PIK3R3: variants seen among roughly 807,000 people sequenced by gnomAD.
PIK3R3 encodes the protein phosphatidylinositol 3-kinase regulatory subunit gamma.
PIK3R3 carries 64 observed loss-of-function variants against 62.9 expected under a neutral mutation model. The ratio of observed to expected loss-of-function variants is 1.02; its 90% CI spans 0.83 to 1.25. The LOEUF (loss-of-function observed/expected upper bound fraction) is 1.25, where lower values mean the gene tolerates loss of function less well. Ranked by LOEUF, PIK3R3 falls within the 50% of genes most tolerant of loss-of-function variation. The probability of loss-of-function intolerance (pLI) is 0.00; values close to 1 mark genes in which losing one functional copy is unlikely to be tolerated. For missense variants in PIK3R3, 614 were observed against 561.6 expected (o/e 1.09, Z -0.94); for synonymous variants, 165 against 189.0 (o/e 0.87, Z 1.04).
chr1:46,040,148 T>C lies in PIK3R3; in HGVS notation c.*3525A>G. On this transcript the variant is annotated 3_prime_UTR_variant, in exon 10 of 10. Coordinates refer to ENST00000262741, the MANE Select transcript of PIK3R3 (RefSeq NM_003629.4). ...AGCATGAAGACAAAAAATTACTTTA[T>C]TGCAATGTCTTTATTGCATTACTGG... 4.9e-6 allele frequency: 1 copy of C among 204,584 alleles called. No individual in the cohort carries two copies. Among genetic ancestry groups the C allele is most frequent in the East Asian group, 7.4e-5 (1 of 13,450 alleles). 12.7% of individuals were successfully genotyped at this position (204,584 alleles called of 1,614,324 possible).
intron 3 of PIK3R3, among the ~76,000 whole-genome samples, chr1:46,073,472 G>C (rs1649733794): frequency 1.3e-5 from 2 of 152,148 alleles, no homozygotes; most frequent in South Asian, 4.1e-4. Context: ...TAGATTTTAA[G>C]TGACAAATCC....
intron 1 of PIK3R3, among the ~76,000 whole-genome samples, chr1:46,120,265 C>T (rs1213875179): frequency 6.6e-6 from 1 of 152,146 alleles, no homozygotes; most frequent in Non-Finnish European, 1.5e-5. Context: ...CTATGTGACC[C>T]TATGAAGTCC....
chr1:46,050,115 C>CTT (rs1465960280), intron 7 of PIK3R3, among the ~76,000 whole-genome samples: 4 of 122,152 alleles, frequency 3.3e-5, no homozygotes, highest in African/African-American at 1.3e-4. Flanking sequence ...GAGTGAAACT[C>CTT]TGTCTCAAAA....
intron 1 of PIK3R3, among the ~76,000 whole-genome samples, chr1:46,082,590 C>G (rs953361321): frequency 1.3e-5 from 2 of 152,126 alleles, no homozygotes; most frequent in African/African-American, 4.8e-5. Flanking sequence ...GAAATACACA[C>G]AACATGGTCA....
chr1:46,132,725 G>T, upstream of PIK3R3: 4 of 1,288,510 alleles, frequency 3.1e-6, no homozygotes, highest in South Asian at 1.2e-5. Flanking sequence ...CAACCGCGCC[G>T]GGAGGGGGGA....
intron 3 of PIK3R3, among the ~76,000 whole-genome samples, chr1:46,068,221 C>T (rs1649182052): frequency 6.6e-6 from 1 of 152,146 alleles, no homozygotes; most frequent in African/African-American, 2.4e-5. Context: ...TATACAGTTA[C>T]TATAAATGTG....
intron 6 of PIK3R3, among the ~76,000 whole-genome samples, chr1:46,057,823 T>C (rs1199195962): frequency 6.6e-6 from 1 of 152,180 alleles, no homozygotes; most frequent in African/African-American, 2.4e-5. Flanking sequence ...TTTGAAAAAT[T>C]TGCAGCCTGA....
chr1:46,123,187 G>A (rs1324433207), intron 1 of PIK3R3, among the ~76,000 whole-genome samples: 2 of 152,166 alleles, frequency 1.3e-5, no homozygotes, highest in Non-Finnish European at 2.9e-5. Flanking sequence ...TATAACACAT[G>A]ATTCCAAGTC....
At chr1:46,109,162 C>CAAA (rs758453256) in intron 1 of PIK3R3, among the ~76,000 whole-genome samples, 1 of 70,150 alleles carries the variant, frequency 1.4e-5, no homozygotes, top group African/African-American at 4.5e-5. Context: ...GACTCTGTCT[C>CAAA]AAAAAAAAAA....
chr1:46,110,772 C>T (rs1653671752), intron 1 of PIK3R3, among the ~76,000 whole-genome samples: 1 of 151,092 alleles, frequency 6.6e-6, no homozygotes, highest in African/African-American at 2.4e-5. Context: ...AAGTGAAGAT[C>T]CAAGAAGTAA....
intron 1 of PIK3R3, among the ~76,000 whole-genome samples, chr1:46,116,725 G>C (rs1654221774): frequency 6.6e-6 from 1 of 151,666 alleles, no homozygotes; most frequent in Admixed American, 6.6e-5. Flanking sequence ...AACAATAACA[G>C]ATACCTGCCC....
chr1:46,088,083 A>G (rs1027808944), intron 1 of PIK3R3, among the ~76,000 whole-genome samples: 2 of 152,206 alleles, frequency 1.3e-5, no homozygotes, highest in African/African-American at 4.8e-5. Flanking sequence ...GAATTTAAAC[A>G]TTTTTAAATG....
the PIK3R3 span, among the ~76,000 whole-genome samples, chr1:46,160,105 A>T: frequency 6.6e-5 from 10 of 152,322 alleles, no homozygotes; most frequent in African/African-American, 2.4e-4. Context: ...AGATTAGGTT[A>T]TTCTTATCCT....
At chr1:46,048,878 G>A (rs570841697) in intron 7 of PIK3R3, among the ~76,000 whole-genome samples, 2 of 152,246 alleles carry the variant, frequency 1.3e-5, no homozygotes, top group East Asian at 1.9e-4. Flanking sequence ...ACAATGCCAG[G>A]AGTTGATTAG....
chr1:46,145,371 T>TA, the PIK3R3 span, among the ~76,000 whole-genome samples: 23 of 149,914 alleles, frequency 1.5e-4, no homozygotes, highest in Admixed American at 2.7e-4. Flanking sequence ...GATAACTTTT[T>TA]AAAAAAAAAA....
intron 1 of PIK3R3, among the ~76,000 whole-genome samples, chr1:46,114,628 T>C (rs946305672): frequency 6.6e-5 from 10 of 152,048 alleles, no homozygotes; most frequent in African/African-American, 9.7e-5. Flanking sequence ...TTTTTTGAGA[T>C]AGCATCTTCT....
At chr1:46,135,859 G>A (rs547985287), upstream of PIK3R3, among the ~76,000 whole-genome samples, 4 of 151,922 alleles carry the variant, frequency 2.6e-5, no homozygotes, top group African/African-American at 4.8e-5. Flanking sequence ...GTGAAACTCC[G>A]TCTATACTAA....
intron 2 of PIK3R3, among the ~76,000 whole-genome samples, chr1:46,078,573 A>T (rs1390384679): frequency 6.6e-6 from 1 of 152,182 alleles, no homozygotes; most frequent in African/African-American, 2.4e-5. Flanking sequence ...AAACATATTA[A>T]GTCCTCTTCA....
upstream of PIK3R3, among the ~76,000 whole-genome samples, chr1:46,137,079 G>A (rs1277554182): frequency 6.6e-6 from 1 of 151,750 alleles, no homozygotes; most frequent in African/African-American, 2.4e-5. Flanking sequence ...GAGACCCAGA[G>A]CAATGAGGGG....
Sources: gnomAD v4.1 joint callset for allele counts (sites outside exome capture counted in the v4.1 genomes callset) on GRCh38, gnomAD v4.1.1 for gene constraint, MANE v1.5 for transcripts, NCBI Gene and HGNC (gene_info 2026-07-23, HGNC 2026-07-21) for gene names.